Variants in TPP2 observed in about 807,000 individuals in gnomAD.
The protein encoded by TPP2 is tripeptidyl peptidase 2.
In TPP2, 34 loss-of-function variants were observed where a neutral mutation model predicts 155.9. That is an observed-to-expected ratio of 0.22 (90% confidence interval 0.17 to 0.29). The LOEUF (loss-of-function observed/expected upper bound fraction) is 0.29, where lower values mean the gene tolerates loss of function less well. Ranked by LOEUF, TPP2 falls within the 10% of genes least tolerant of loss-of-function variation. TPP2 has a pLI of 1.00. For missense variants in TPP2, 1,028 were observed against 1,522.3 expected, an observed-to-expected ratio of 0.68 and a Z score of 5.40; for synonymous variants, 510 against 529.4, an observed-to-expected ratio of 0.96 and a Z score of 0.50.
At chr13:102,606,063 G>A (rs554746729) in intron 2 of TPP2, among the ~76,000 whole-genome samples, 2 of 152,286 alleles carry the variant, frequency 1.3e-5, no homozygotes, top group South Asian at 4.1e-4. Flanking sequence ...AGAAAGGCCT[G>A]GGTAAGCTAA....
intron 1 of TPP2, among the ~76,000 whole-genome samples, chr13:102,600,508 C>A (rs1711798846): frequency 6.6e-6 from 1 of 151,686 alleles, no homozygotes; most frequent in Non-Finnish European, 1.5e-5. Context: ...TGTCTCTTTG[C>A]TGTTATAGCA....
chr13:102,610,387 C>T (rs968364134), intron 2 of TPP2, among the ~76,000 whole-genome samples: 2 of 152,032 alleles, frequency 1.3e-5, no homozygotes, highest in Non-Finnish European at 2.9e-5. Context: ...CGCCACCATG[C>T]CCGGCTAATT....
Position 102,646,328 on chromosome 13 carries a change from A to T in TPP2, c.2428A>T (p.Arg810Ter). The change falls in exon 20 of 30, where the codon AGA (arginine) becomes TGA (stop). Residue 810 changes from arginine to a stop codon, truncating the protein, a stop_gained. Coordinates refer to ENST00000376052, the MANE Select transcript of TPP2 (RefSeq NM_001330588.2). LOFTEE classifies it high-confidence loss of function. ...VSAKTKPLGS[R>*]DVLPNNRQLY... ...TGCAAAAACAAAACCTTTAGGATCA[A>T]GAGATGTTTTGCCAAATAACCGTCA... 1 of 1,613,014 alleles carries T rather than the reference A, an allele frequency of 6.2e-7. No individual in the cohort carries two copies. Among genetic ancestry groups the T allele is most frequent in the Non-Finnish European group, 8.5e-7 (1 of 1,179,546 alleles).
chr13:102,606,220 C>T (rs1879815636), intron 2 of TPP2, among the ~76,000 whole-genome samples: 1 of 152,334 alleles, frequency 6.6e-6, no homozygotes, highest in Non-Finnish European at 1.5e-5. Context: ...CTTTTCCCAC[C>T]TTTTGCCATC....
chr13:102,644,515 A>C, intron 17 of TPP2, 42 bp from the exon 18 acceptor site: 1 of 1,477,332 alleles, frequency 6.8e-7, no homozygotes, highest in Middle Eastern at 1.8e-4. Context: ...TAATTTGAGA[A>C]AAATAAGAAA....
At position 102,611,404 on chromosome 13, in the gene TPP2, G is replaced by A. The variant is rs112077507; in HGVS notation, c.295-2697G>A. ...TAAAGGACATTTCCAGGCCGGGCAC[G>A]GTGGCTCACACCTGTAATCCCAGCA... On this transcript the variant is annotated intron_variant, in intron 2 of 29. Transcript: ENST00000376052. 3.3e-3 allele frequency among the ~76,000 whole-genome samples: 507 copies of A among 152,290 alleles called. 1 individual carries two copies. The highest frequency in any genetic ancestry group is 4.9e-3 in the Non-Finnish European group (332 of 68,018).
intron 14 of TPP2, 79 bp from the exon 15 acceptor site, chr13:102,638,160 C>A: frequency 7.7e-7 from 1 of 1,305,414 alleles, no homozygotes; most frequent in Non-Finnish European, 1.1e-6. Flanking sequence ...TTGATTTATT[C>A]TGTCAGTAGT....
At position 102,679,332 on chromosome 13, in the gene TPP2, C is replaced by T. The variant is rs1336437437; in HGVS notation, c.*1016C>T. ...GTATTTCCAGTTCTTGTATGATTAACTTTTGTGCATATCTAACTTTTTATT... is the reference window on the plus strand; with the variant it reads ...GTATTTCCAGTTCTTGTATGATTAATTTTTGTGCATATCTAACTTTTTATT... On this transcript the variant is annotated 3_prime_UTR_variant, in exon 30 of 30. Transcript: ENST00000376052. 6.6e-6 allele frequency: 1 copy of T among 152,190 alleles called. No individual in the cohort carries two copies. Among genetic ancestry groups the T allele is most frequent in the Non-Finnish European group, 1.5e-5 (1 of 68,026 alleles). 9.4% of individuals were successfully genotyped at this position (152,190 alleles called of 1,614,324 possible).
In TPP2 at chr13:102,644,582, T is replaced by C. The variant is rs980598484; in HGVS notation, c.2201T>C (p.Ile734Thr). 3.1e-6 allele frequency: 5 copies of C among 1,610,966 alleles called. No homozygotes were observed. The highest frequency in any genetic ancestry group is 4.5e-5 in the East Asian group (2 of 44,812). ...GGTGGAAAAGCAATTGAATTTTGCATTGCTCGTTGGTGGGCAAGTCTCAGT... is the reference window on the plus strand; with the variant it reads ...GGTGGAAAAGCAATTGAATTTTGCACTGCTCGTTGGTGGGCAAGTCTCAGT... ...VLGGKAIEFC[I>T]ARWWASLSDV... is the part of the protein sequence containing the mutation. The change falls in exon 18 of 30, where the codon ATT (isoleucine) becomes ACT (threonine). Residue 734 changes from isoleucine to threonine, a missense_variant. Ile to Thr is a moderately conservative substitution (Grantham distance 89, BLOSUM62 -1). Around this residue, in one of 7 missense-constraint regions of TPP2, gnomAD observed 325 missense variants for 463.7 expected, o/e 0.70. Transcript: ENST00000376052.
chr13:102,652,424 AT>A (rs1191561393), intron 24 of TPP2, among the ~76,000 whole-genome samples: 2 of 14,786 alleles, frequency 1.4e-4, no homozygotes, highest in Non-Finnish European at 2.4e-4. Context: ...ATATATATAT[AT>A]ATATATATAT....
intron 16 of TPP2, among the ~76,000 whole-genome samples, chr13:102,641,283 A>G (rs140089336): frequency 4.4e-4 from 67 of 152,310 alleles, no homozygotes; most frequent in African/African-American, 1.4e-3. Context: ...GCTCACTCCC[A>G]TTGATAGAAG....
chr13:102,618,589 A>T, intron 4 of TPP2, 133 bp from the exon 5 acceptor site: 1 of 1,174,902 alleles, frequency 8.5e-7, no homozygotes. Context: ...GCATAGATAG[A>T]ACAAAATTTT....
intron 4 of TPP2, among the ~76,000 whole-genome samples, chr13:102,617,936 C>T (rs1880872077): frequency 1.3e-5 from 2 of 152,326 alleles, no homozygotes; most frequent in South Asian, 2.1e-4. Context: ...TTGTCAACCC[C>T]TGCTGGATCT....
intron 1 of TPP2, 34 bp from the exon 2 acceptor site, chr13:102,604,758 TC>T: frequency 6.3e-7 from 1 of 1,597,932 alleles, no homozygotes; most frequent in Non-Finnish European, 8.5e-7. Flanking sequence ...AAACCTAAAA[TC>T]TACCATTCAT....
chr13:102,643,428 T>C lies in TPP2; in HGVS notation c.2175+52T>C, dbSNP rs774765048. On this transcript the variant is annotated intron_variant, in intron 17 of 29. Transcript: ENST00000376052. ...TAACACAATTTATTTGCCTTTTTGG[T>C]ATGGGCTAAGACTAAGTATTTGCAT... 16 of 1,508,122 alleles carry C rather than the reference T, an allele frequency of 1.1e-5. No homozygotes were observed. The South Asian group carries it at 2.0e-4, about 19-fold the overall frequency. 93.4% of individuals were successfully genotyped at this position (1,508,122 alleles called of 1,614,324 possible).
At chr13:102,654,409 T>G (rs1361106128) in intron 24 of TPP2, among the ~76,000 whole-genome samples, 1 of 152,246 alleles carries the variant, frequency 6.6e-6, no homozygotes, top group Non-Finnish European at 1.5e-5. Flanking sequence ...TTTTTTTGCT[T>G]TTAATGATAG....
intron 13 of TPP2, 63 bp from the exon 14 acceptor site, chr13:102,637,019 C>A: frequency 2.9e-5 from 44 of 1,503,034 alleles, no homozygotes; most frequent in East Asian, 9.5e-5. Context: ...AAAGATGTAA[C>A]ATTTTTAAAT....
chr13:102,659,353 A>G (rs1217455161), intron 25 of TPP2, among the ~76,000 whole-genome samples: 1 of 152,208 alleles, frequency 6.6e-6, no homozygotes, highest in Non-Finnish European at 1.5e-5. Context: ...ACATTAACCT[A>G]CATATCCAGG....
chr13:102,678,159 A>G, intron 29 of TPP2, 68 bp from the exon 30 acceptor site: 1 of 1,449,184 alleles, frequency 6.9e-7, no homozygotes, highest in Non-Finnish European at 9.4e-7. Flanking sequence ...TACAGAATTT[A>G]TTCTAAATAC....
Sources: allele counts gnomAD v4.1 joint callset (sites outside exome capture counted in the v4.1 genomes callset), GRCh38; gene constraint gnomAD v4.1.1; regional missense constraint gnomAD v4.1.1; transcripts MANE v1.5; gene names NCBI Gene and HGNC (gene_info 2026-07-23, HGNC 2026-07-21).